The following GUCY1A2 variants were observed in gnomAD, a reference collection of about 807,000 sequenced individuals.
GUCY1A2 encodes guanylate cyclase soluble subunit alpha-2.
Under a neutral mutation model 63.5 loss-of-function variants are expected in GUCY1A2, and 27 were observed. That is an observed-to-expected ratio of 0.43 (90% CI 0.31 to 0.59). The LOEUF (loss-of-function observed/expected upper bound fraction) is 0.59. Ranked by LOEUF, GUCY1A2 falls within the 20% of genes least tolerant of loss-of-function variation. GUCY1A2 has a pLI of 0.11. For synonymous variants in GUCY1A2, 364 were observed against 343.5 expected (o/e 1.06, Z -0.66); for missense variants, 768 against 913.3 (o/e 0.84, Z 2.05).
chr11:106,865,243 T>C (rs1224263856), intron 4 of GUCY1A2, among the ~76,000 whole-genome samples: 1 of 152,122 alleles, frequency 6.6e-6, no homozygotes, highest in Non-Finnish European at 1.5e-5. Flanking sequence ...AGTAGTGATA[T>C]CTCTTTTATC....
In GUCY1A2 at chr11:106,774,139, A is replaced by AT. The variant is rs149377003; in HGVS notation, c.1836+2299dup. 4.1e-3 allele frequency among the ~76,000 whole-genome samples: 603 copies of AT among 147,232 alleles called. 3 individuals are homozygous for AT. Among genetic ancestry groups the AT allele is most frequent in the Non-Finnish European group, 7.0e-3 (463 of 66,304 alleles). On this transcript the variant is annotated intron_variant, in intron 6 of 7. Coordinates refer to ENST00000526355, the MANE Select transcript of GUCY1A2 (RefSeq NM_000855.3). ...CACACCAATCAATGTCACTTTTATA[A>AT]TTTTTTTTTTTTGAGATGGAGTCTC...
At chr11:106,891,998 T>C (rs1391642319) in intron 4 of GUCY1A2, among the ~76,000 whole-genome samples, 1 of 152,062 alleles carries the variant, frequency 6.6e-6, no homozygotes, top group Non-Finnish European at 1.5e-5. Flanking sequence ...AGCATCTCAA[T>C]GACAGTTTTT....
At chr11:107,007,131 A>G (rs1861681725) in intron 1 of GUCY1A2, among the ~76,000 whole-genome samples, 1 of 151,806 alleles carries the variant, frequency 6.6e-6, no homozygotes, top group Admixed American at 6.6e-5. Context: ...ATAAAAAAAA[A>G]TGCATGAATG....
chr11:106,833,879 C>T lies in GUCY1A2; in HGVS notation c.1207-23401G>A, dbSNP rs143435965. The stretch of plus-strand genomic sequence containing the variant: ...TTGAGAAGAGCTATGCAGTAGTCTC[C>T]GAGTGGCCCAGTCACCACTCTGTAA... On this transcript the variant is annotated intron_variant, in intron 4 of 7. Coordinates refer to ENST00000526355, the MANE Select transcript of GUCY1A2 (RefSeq NM_000855.3). 7.9e-5 allele frequency among the ~76,000 whole-genome samples: 12 copies of T among 151,996 alleles called. No homozygotes were observed. In the East Asian group the frequency reaches 2.1e-3, roughly 27 times the overall value.
rs749826499 is a variant in GUCY1A2 at position 106,776,457 on chromosome 11, A to G, written c.1818T>C (p.Pro606=). The G allele has an allele frequency of 7.4e-6, 12 of 1,613,758 alleles. No individual in the cohort carries two copies. In the East Asian group the frequency reaches 1.6e-4, roughly 21 times the overall value. ...MMELSEEVLT[P]DGRPIQMRIG... ...GGGTTACCTGAATCGGTCTTCCATC[A>G]GGTGTCAGCACCTCTTCTGAAAGTT... The change falls in exon 6 of 8, where the codon CCT becomes CCC. Residue 606 remains proline, a synonymous_variant. Coordinates refer to ENST00000526355, the MANE Select transcript of GUCY1A2 (RefSeq NM_000855.3).
At chr11:106,796,781 T>C (rs1864770315) in intron 5 of GUCY1A2, among the ~76,000 whole-genome samples, 1 of 152,166 alleles carries the variant, frequency 6.6e-6, no homozygotes, top group Non-Finnish European at 1.5e-5. Context: ...AGGAGTATCT[T>C]TGTGGTGCTC....
At chr11:106,706,745 G>A (rs866492286) in intron 7 of GUCY1A2, among the ~76,000 whole-genome samples, 1 of 150,898 alleles carries the variant, frequency 6.6e-6, no homozygotes, top group Non-Finnish European at 1.5e-5. Context: ...TCAATACCAT[G>A]ATGGGAATAA....
intron 4 of GUCY1A2, among the ~76,000 whole-genome samples, chr11:106,907,532 T>C (rs531021358): frequency 6.6e-6 from 1 of 152,184 alleles, no homozygotes; most frequent in East Asian, 1.9e-4. Flanking sequence ...ATTAGGTATA[T>C]CTCCTAATGC....
intron 4 of GUCY1A2, among the ~76,000 whole-genome samples, chr11:106,816,159 T>A (rs1383081681): frequency 5.0e-5 from 6 of 118,912 alleles, no homozygotes; most frequent in Non-Finnish European, 5.1e-5. Flanking sequence ...AGCAGAATAC[T>A]CTTTCTTTAA....
intron 4 of GUCY1A2, among the ~76,000 whole-genome samples, chr11:106,909,927 T>C (rs1281612780): frequency 6.6e-6 from 1 of 152,038 alleles, no homozygotes; most frequent in Admixed American, 6.6e-5. Context: ...GCACATTCAT[T>C]CCTGGTCTTT....
chr11:106,744,771 T>C (rs769083675), intron 6 of GUCY1A2, among the ~76,000 whole-genome samples: 1 of 152,198 alleles, frequency 6.6e-6, no homozygotes, highest in East Asian at 1.9e-4. Context: ...GCAGAACTTA[T>C]ATTATGATCC....
intron 6 of GUCY1A2, among the ~76,000 whole-genome samples, chr11:106,774,886 TTC>T (rs1338594972): frequency 6.6e-6 from 1 of 152,206 alleles, no homozygotes; most frequent in African/African-American, 2.4e-5. Flanking sequence ...TGCTTAGAAG[TTC>T]TCTGATTCTT....
intron 4 of GUCY1A2, among the ~76,000 whole-genome samples, chr11:106,848,627 T>C (rs1859310490): frequency 1.3e-5 from 2 of 151,644 alleles, no homozygotes; most frequent in South Asian, 4.1e-4. Flanking sequence ...TTATAAACAA[T>C]TATGATGGAA....
chr11:106,772,968 T>C (rs975024569), intron 6 of GUCY1A2, among the ~76,000 whole-genome samples: 2 of 152,214 alleles, frequency 1.3e-5, no homozygotes, highest in Non-Finnish European at 1.5e-5. Flanking sequence ...ATTTTATTTT[T>C]AATGCTCCAT....
At chr11:106,855,893 T>TTTTCTTTCTTTCTTTA (rs536833371) in intron 4 of GUCY1A2, among the ~76,000 whole-genome samples, 1 of 94,352 alleles carries the variant, frequency 1.1e-5, no homozygotes, top group African/African-American at 3.5e-5. Context: ...GTCTCTTGTA[T>TTTTCTTTCTTTCTTTA]TTTATTTATT....
intron 5 of GUCY1A2, among the ~76,000 whole-genome samples, chr11:106,792,424 G>A (rs1016269325): frequency 6.7e-6 from 1 of 148,274 alleles, no homozygotes; most frequent in African/African-American, 2.5e-5. Context: ...CTATCATCAA[G>A]TAGGCATTAT....
chr11:107,012,948 T>C (rs1394253329), intron 1 of GUCY1A2, among the ~76,000 whole-genome samples: 3 of 152,222 alleles, frequency 2.0e-5, no homozygotes, highest in Non-Finnish European at 4.4e-5. Flanking sequence ...AGGTTTTTTT[T>C]CAAGGTTTAT....
At chr11:106,860,220 C>A (rs1028281419) in intron 4 of GUCY1A2, among the ~76,000 whole-genome samples, 1 of 151,340 alleles carries the variant, frequency 6.6e-6, no homozygotes, top group East Asian at 1.9e-4. Flanking sequence ...CTGCTGTTTT[C>A]CAGAGTACCC....
chr11:106,905,519 T>G (rs544780256), intron 4 of GUCY1A2, among the ~76,000 whole-genome samples: 1 of 152,044 alleles, frequency 6.6e-6, no homozygotes, highest in African/African-American at 2.4e-5. Context: ...ACATGAAGGG[T>G]ACGCCTTCAA....
Sources: allele counts gnomAD v4.1 joint callset (sites outside exome capture counted in the v4.1 genomes callset), GRCh38; gene constraint gnomAD v4.1.1; transcripts MANE v1.5; gene names NCBI Gene and HGNC (gene_info 2026-07-23, HGNC 2026-07-21).